GON4L: variants seen among roughly 807,000 people sequenced by gnomAD.
The protein encoded by GON4L is GON-4-like protein.
A neutral mutation model predicts 211.8 loss-of-function variants in GON4L; 87 were observed. The ratio of observed to expected loss-of-function variants is 0.41; its 90% CI spans 0.35 to 0.49. GON4L has a LOEUF of 0.49. GON4L is among the 20% of genes least tolerant of loss of function. GON4L has a pLI of 0.15. For missense variants in GON4L, 2,155 were observed against 2,659.5 expected, an observed-to-expected ratio of 0.81 and a Z score of 4.17; for synonymous variants, 875 against 962.6, an observed-to-expected ratio of 0.91 and a Z score of 1.68.
At chr1:155,806,202 G>A (rs1667117172) in intron 10 of GON4L, among the ~76,000 whole-genome samples, 1 of 149,828 alleles carries the variant, frequency 6.7e-6, no homozygotes, top group Admixed American at 6.7e-5. Context: ...ACCCATTCTG[G>A]AGTGCAGTGG....
At chr1:155,807,036 C>T (rs1318221784) in intron 10 of GON4L, among the ~76,000 whole-genome samples, 1 of 147,126 alleles carries the variant, frequency 6.8e-6, no homozygotes, top group Non-Finnish European at 1.5e-5. Context: ...GAGATCAAGG[C>T]TGTAGTGAGC....
At chr1:155,816,183 A>C in intron 7 of GON4L, 29 bp downstream of exon 7, 1 of 1,087,276 alleles carries the variant, frequency 9.2e-7, no homozygotes, top group Non-Finnish European at 1.4e-6. Flanking sequence ...TTTCTGGAAA[A>C]GAATAACAAT....
chr1:155,804,564 G>A (rs1178920490), intron 11 of GON4L, among the ~76,000 whole-genome samples: 1 of 152,044 alleles, frequency 6.6e-6, no homozygotes, highest in Admixed American at 6.6e-5. Flanking sequence ...TAGGAGGATT[G>A]TTTGAGGCCA....
chr1:155,819,180 G>A (rs961968688), intron 6 of GON4L, among the ~76,000 whole-genome samples: 10 of 149,618 alleles, frequency 6.7e-5, no homozygotes, highest in Admixed American at 4.0e-4. Flanking sequence ...GCACGCACCT[G>A]TAATCCCAGC....
At chr1:155,783,911 A>G in intron 14 of GON4L, 75 bp downstream of exon 14, 1 of 1,595,986 alleles carries the variant, frequency 6.3e-7, no homozygotes, top group Non-Finnish European at 8.6e-7. Context: ...AAAATTATCA[A>G]TTGCAACTTC....
At chr1:155,836,112 G>GT (rs1557917351) in intron 2 of GON4L, among the ~76,000 whole-genome samples, 1 of 152,138 alleles carries the variant, frequency 6.6e-6, no homozygotes, top group Non-Finnish European at 1.5e-5. Context: ...AGCCATGGTG[G>GT]TGCACGCCTG....
At chr1:155,833,876 G>A (rs1247279580) in intron 2 of GON4L, among the ~76,000 whole-genome samples, 1 of 151,842 alleles carries the variant, frequency 6.6e-6, no homozygotes, top group Non-Finnish European at 1.5e-5. Flanking sequence ...CACCCAGGTT[G>A]CAATGCAGTG....
chr1:155,784,849 C>T (rs979854062), intron 13 of GON4L: 11 of 243,224 alleles, frequency 4.5e-5, no homozygotes, highest in Middle Eastern at 3.4e-3. Context: ...CATGCTGGCT[C>T]ACACCTATAA....
intron 25 of GON4L, 70 bp from the exon 26 acceptor site, chr1:155,757,393 C>T (rs901864949): frequency 7.5e-7 from 1 of 1,330,072 alleles, no homozygotes; most frequent in Non-Finnish European, 1.1e-6. Context: ...CAATCAATCC[C>T]ACATACTTCC....
rs778535882 is a variant in GON4L, at chr1:155,816,215, A to C, written c.1062T>G (p.Ile354Met). 1.2e-5 allele frequency: 16 copies of C among 1,342,386 alleles called. No homozygotes were observed. The highest frequency in any genetic ancestry group is 1.6e-5 in the Non-Finnish European group (15 of 934,448). The allele number at this position is 1,342,386 out of a possible 1,614,324, so 83.2% of individuals were successfully genotyped here. Reference protein sequence around the residue: ...NISPIKKANEIKPPQFVDIHL... With the variant: ...NISPIKKANEMKPPQFVDIHL... Reference sequence around the variant, plus strand: ...CAATTATTTCTTCCAAGTTTACCTTAATTTCATTGGCCTTCTTAATTGGTG... The same window carrying C: ...CAATTATTTCTTCCAAGTTTACCTTCATTTCATTGGCCTTCTTAATTGGTG... Residue 354 changes from isoleucine (I) to methionine (M), a missense_variant, in exon 7 of 32, where the codon ATT becomes ATG. Around this residue, in one of 6 missense-constraint regions of GON4L, gnomAD observed 551 missense variants for 854.0 expected, o/e 0.65. Transcript: ENST00000368331.
intron 12 of GON4L, among the ~76,000 whole-genome samples, chr1:155,786,886 G>A (rs920582039): frequency 2.6e-5 from 4 of 151,672 alleles, no homozygotes; most frequent in Non-Finnish European, 5.9e-5. Flanking sequence ...GGGATTACAG[G>A]TGTGAGCCAC....
chr1:155,840,447 T>C (rs993403844), intron 2 of GON4L, among the ~76,000 whole-genome samples: 5 of 152,190 alleles, frequency 3.3e-5, no homozygotes, highest in African/African-American at 7.2e-5. Context: ...CCTAGCTTGA[T>C]TGTCTGGCTT....
At chr1:155,758,933 TC>T in intron 24 of GON4L, among the ~76,000 whole-genome samples, 1 of 152,208 alleles carries the variant, frequency 6.6e-6, no homozygotes, top group East Asian at 1.9e-4. Context: ...CAAGGGATCC[TC>T]CCACCTTAGC....
chr1:155,767,218 A>C lies in GON4L; in HGVS notation c.2763+207T>G, dbSNP rs549149034. On this transcript the variant is annotated intron_variant, in intron 20 of 31. Coordinates refer to ENST00000368331, the MANE Select transcript of GON4L (RefSeq NM_001282860.2). Reference sequence around the variant, plus strand: ...GAAACTTCTGTGAATTTCCTTTAGCAAATTATTATTTTACCTATTATTTTG... The same window carrying C: ...GAAACTTCTGTGAATTTCCTTTAGCCAATTATTATTTTACCTATTATTTTG... 66 of 1,248,978 alleles carry C rather than the reference A, an allele frequency of 5.3e-5. No homozygotes were observed. The South Asian group carries it at 1.0e-3, about 19-fold the overall frequency. 77.4% of individuals were successfully genotyped at this position (1,248,978 alleles called of 1,614,324 possible). A position where few individuals can be genotyped will look rare whatever the true frequency, so the allele number is the denominator to read the frequency against.
chr1:155,784,148 G>C, intron 13 of GON4L, 59 bp from the exon 14 acceptor site: 1 of 1,596,254 alleles, frequency 6.3e-7, no homozygotes, highest in Middle Eastern at 1.7e-4. Flanking sequence ...TGTTGCTCCA[G>C]TATTGGGAAG....
At chr1:155,844,299 A>C (rs1310544075) in intron 2 of GON4L, among the ~76,000 whole-genome samples, 1 of 152,196 alleles carries the variant, frequency 6.6e-6, no homozygotes, top group Non-Finnish European at 1.5e-5. Flanking sequence ...TTGTTTACTG[A>C]CTGAAAAAGG....
At position 155,781,002 on chromosome 1, in the gene GON4L, T is replaced by C. The variant is rs1664362176; in HGVS notation, c.1892+2984A>G. Among the ~76,000 whole-genome samples the C allele has an allele frequency of 1.3e-5, 2 of 152,164 alleles. 1 individual carries two copies. Among genetic ancestry groups the C allele is most frequent in the African/African-American group, 4.8e-5 (2 of 41,442 alleles). ...TAAAAACCTAAAGCCTGTGGGACTG[T>C]CTTATGCAATCTTCTGAGAACTGAA... On this transcript the variant is annotated intron_variant, in intron 14 of 31. Coordinates refer to ENST00000368331, the MANE Select transcript of GON4L (RefSeq NM_001282860.2).
chr1:155,839,910 G>C (rs1670629547), intron 2 of GON4L, among the ~76,000 whole-genome samples: 1 of 152,092 alleles, frequency 6.6e-6, no homozygotes, highest in Non-Finnish European at 1.5e-5. Flanking sequence ...TGTTTCTTTT[G>C]AAAATTTCTC....
At position 155,775,167 on chromosome 1, in the gene GON4L, G is replaced by T; in HGVS notation, c.2185C>A (p.Leu729Met). 6.2e-7 allele frequency: 1 copy of T among 1,614,154 alleles called. No individual in the cohort carries two copies. The change falls in exon 17 of 32, where the codon CTG becomes ATG. Residue 729 changes from leucine (L) to methionine (M), a missense_variant. By Grantham distance (15) the Leu-to-Met change is conservative. Transcript: ENST00000368331. Reference protein sequence around the residue: ...ATTTRIFLKELGTFAQSSIAL... With the variant: ...ATTTRIFLKEMGTFAQSSIAL... The stretch of plus-strand genomic sequence containing the variant: ...ATGGAGCTTTGAGCAAAGGTTCCCA[G>T]CTCTTTCTGGGAAAACAGGACACAA...
Sources: allele counts gnomAD v4.1 joint callset (sites outside exome capture counted in the v4.1 genomes callset), GRCh38; gene constraint gnomAD v4.1.1; regional missense constraint gnomAD v4.1.1; transcripts MANE v1.5; gene names NCBI Gene and HGNC (gene_info 2026-07-23, HGNC 2026-07-21).